Variants in CTNNA1 observed in about 807,000 individuals in gnomAD.
CTNNA1 encodes catenin alpha-1.
CTNNA1 carries 37 observed loss-of-function variants against 98.4 expected under a neutral mutation model. The ratio of observed to expected loss-of-function variants is 0.38; its 90% CI spans 0.29 to 0.49. The LOEUF (loss-of-function observed/expected upper bound fraction) is 0.49. Ranked by LOEUF, CTNNA1 falls within the 20% of genes least tolerant of loss-of-function variation. CTNNA1 has a pLI of 0.95. For synonymous variants in CTNNA1, 404 were observed against 413.2 expected, an observed-to-expected ratio of 0.98 and a Z score of 0.27; for missense variants, 761 against 1,147.2, an observed-to-expected ratio of 0.66 and a Z score of 4.86.
intron 1 of CTNNA1, among the ~76,000 whole-genome samples, chr5:138,767,160 C>T (rs866138666): frequency 1.3e-5 from 2 of 152,064 alleles, no homozygotes; most frequent in African/African-American, 4.8e-5. Context: ...CTCAGCCTCC[C>T]GAGTAGCTAG....
chr5:138,808,621 G>C (rs1758357472), intron 3 of CTNNA1, among the ~76,000 whole-genome samples: 1 of 150,254 alleles, frequency 6.7e-6, no homozygotes, highest in African/African-American at 2.5e-5. Context: ...TGCTTGTGTT[G>C]TGCATCCAAA....
chr5:138,895,459 AT>A (rs938016682), intron 9 of CTNNA1, among the ~76,000 whole-genome samples: 19 of 148,960 alleles, frequency 1.3e-4, no homozygotes, highest in Admixed American at 8.8e-4. Flanking sequence ...AAATTTGGAG[AT>A]TTTTTTTGAA....
At chr5:138,833,183 G>T (rs1761448487) in intron 7 of CTNNA1, among the ~76,000 whole-genome samples, 1 of 152,156 alleles carries the variant, frequency 6.6e-6, no homozygotes, top group South Asian at 2.1e-4. Flanking sequence ...AGGACCCTCA[G>T]TCTTTGAAAT....
intron 11 of CTNNA1, 37 bp from the exon 12 acceptor site, chr5:138,924,473 G>A: frequency 6.2e-7 from 1 of 1,606,506 alleles, no homozygotes; most frequent in African/African-American, 1.3e-5. Flanking sequence ...TTCATAGAAA[G>A]CCTCCTTCCT....
chr5:138,763,805 G>T lies in CTNNA1; in HGVS notation c.-3+10295G>T, dbSNP rs547067672. Among the ~76,000 whole-genome samples, 3 of 152,128 alleles carry T rather than the reference G, an allele frequency of 2.0e-5. No homozygotes were observed. The East Asian group carries it at 5.8e-4, about 29-fold the overall frequency. ...TAAATTGGCAAAAGGTTTCATGAGGGATTCATTTGTTGTCATTCTCTTGCG... is the reference window on the plus strand; with the variant it reads ...TAAATTGGCAAAAGGTTTCATGAGGTATTCATTTGTTGTCATTCTCTTGCG... On this transcript the variant is annotated intron_variant, in intron 1 of 17. Transcript: ENST00000302763.
intron 3 of CTNNA1, among the ~76,000 whole-genome samples, chr5:138,785,680 C>T (rs1755620006): frequency 6.6e-6 from 1 of 152,192 alleles, no homozygotes; most frequent in Admixed American, 6.5e-5. Flanking sequence ...TCTGCCTCAG[C>T]TTCCCAAGTA....
chr5:138,848,578 G>A (rs1762928566), intron 7 of CTNNA1, among the ~76,000 whole-genome samples: 2 of 152,070 alleles, frequency 1.3e-5, no homozygotes, highest in African/African-American at 4.8e-5. Flanking sequence ...TGATAATAAT[G>A]TCTAAAGACT....
intron 1 of CTNNA1, among the ~76,000 whole-genome samples, chr5:138,759,390 G>C (rs1347309026): frequency 6.6e-6 from 1 of 152,174 alleles, no homozygotes; most frequent in African/African-American, 2.4e-5. Flanking sequence ...ATGCACCATG[G>C]TAACTTTTTT....
rs545003045 is a variant in CTNNA1, at chr5:138,799,676, T to G, written c.302-10362T>G. 3.5e-4 allele frequency among the ~76,000 whole-genome samples: 53 copies of G among 152,176 alleles called. 1 individual carries two copies. On this transcript the variant is annotated intron_variant, in intron 3 of 17. Coordinates refer to ENST00000302763, the MANE Select transcript of CTNNA1 (RefSeq NM_001903.5). The stretch of plus-strand genomic sequence containing the variant: ...CATTCAGAAGTTTGAGGACCTCATT[T>G]TTAGCTGGGGGCTTATTTATATACT...
intron 1 of CTNNA1, among the ~76,000 whole-genome samples, chr5:138,762,474 A>T (rs1172893173): frequency 9.0e-6 from 1 of 110,966 alleles, no homozygotes; most frequent in African/African-American, 3.1e-5. Context: ...TTAAATGTTC[A>T]TTATTTTCTT....
At chr5:138,775,721 T>C (rs993900823) in intron 1 of CTNNA1, among the ~76,000 whole-genome samples, 2 of 131,502 alleles carry the variant, frequency 1.5e-5, no homozygotes, top group East Asian at 2.1e-4. Context: ...TTTCTTTTTT[T>C]TTTTTTTTTT....
intron 7 of CTNNA1, among the ~76,000 whole-genome samples, chr5:138,855,792 T>C (rs1258793534): frequency 6.6e-6 from 1 of 152,266 alleles, no homozygotes; most frequent in Admixed American, 6.5e-5. Context: ...AGAATTTTAC[T>C]GTCTGGGATT....
chr5:138,809,952 G>T, intron 3 of CTNNA1, 86 bp from the exon 4 acceptor site: 1 of 1,448,856 alleles, frequency 6.9e-7, no homozygotes, highest in Non-Finnish European at 9.2e-7. Flanking sequence ...AATATACAAA[G>T]TTTGGATTAT....
intron 9 of CTNNA1, among the ~76,000 whole-genome samples, chr5:138,888,138 C>A (rs2150036710): frequency 6.6e-6 from 1 of 152,212 alleles, no homozygotes; most frequent in African/African-American, 2.4e-5. Flanking sequence ...TAGACTCAGA[C>A]CAGTCTTGTT....
At chr5:138,791,101 T>C (rs1756304283) in intron 3 of CTNNA1, 1 of 152,230 alleles carries the variant, frequency 6.6e-6, no homozygotes, top group Admixed American at 6.5e-5. Flanking sequence ...TCTTAATGTT[T>C]GGCTTACAGT....
chr5:138,887,763 A>G, intron 9 of CTNNA1, 121 bp downstream of exon 9: 1 of 783,432 alleles, frequency 1.3e-6, no homozygotes, highest in Non-Finnish European at 2.0e-6. Flanking sequence ...CATGTCTGAG[A>G]TGATAGTCTT....
intron 3 of CTNNA1, among the ~76,000 whole-genome samples, chr5:138,806,556 T>C (rs1406357688): frequency 2.0e-5 from 3 of 152,110 alleles, no homozygotes; most frequent in Non-Finnish European, 4.4e-5. Context: ...CTGATCCATC[T>C]CTCTGGTTAG....
Position 138,834,514 on chromosome 5 carries a change from A to G in CTNNA1, c.1062+6796A>G, listed in dbSNP as rs1349346387. Among the ~76,000 whole-genome samples, 3 of 152,330 alleles carry G rather than the reference A, an allele frequency of 2.0e-5. No individual in the cohort carries two copies. The South Asian group carries it at 6.2e-4, about 32-fold the overall frequency. ...TGAGTTGATAATTGCTCAAAAATAC[A>G]TATACACACAGGTGCAGTTTGAGCT... On this transcript the variant is annotated intron_variant, in intron 7 of 17. Coordinates refer to ENST00000302763, the MANE Select transcript of CTNNA1 (RefSeq NM_001903.5).
At chr5:138,844,684 A>G (rs1272067464) in intron 7 of CTNNA1, among the ~76,000 whole-genome samples, 1 of 152,214 alleles carries the variant, frequency 6.6e-6, no homozygotes, top group Non-Finnish European at 1.5e-5. Flanking sequence ...AATTGAGAAG[A>G]TCTGGCTTAG....
Sources: allele counts gnomAD v4.1 joint callset (sites outside exome capture counted in the v4.1 genomes callset), GRCh38; gene constraint gnomAD v4.1.1; transcripts MANE v1.5; gene names NCBI Gene and HGNC (gene_info 2026-07-23, HGNC 2026-07-21).